GREM1: variants seen among roughly 807,000 people sequenced by gnomAD.
GREM1 encodes gremlin 1, DAN family BMP antagonist.
A neutral mutation model predicts 13.1 loss-of-function variants in GREM1; 6 were observed. That is an observed-to-expected ratio of 0.46 (90% CI 0.25 to 0.91). GREM1 has a LOEUF of 0.91. GREM1 is among the 40% of genes least tolerant of loss of function. The pLI is 0.18. For missense variants in GREM1, 185 were observed against 233.9 expected, an observed-to-expected ratio of 0.79 and a Z score of 1.36; for synonymous variants, 98 against 93.7, an observed-to-expected ratio of 1.05 and a Z score of -0.27.
intron 1 of GREM1, chr15:32,718,784 G>C: frequency 3.3e-6 from 1 of 300,374 alleles, no homozygotes; most frequent in Non-Finnish European, 6.6e-6. Context: ...GACAGCTGCG[G>C]TGCGGGGCGC....
chr15:32,720,197 T>C (rs1366705620), intron 1 of GREM1, among the ~76,000 whole-genome samples: 1 of 152,148 alleles, frequency 6.6e-6, no homozygotes, highest in Non-Finnish European at 1.5e-5. Context: ...TCATTTTTAG[T>C]GAAATGTTTT....
At position 32,740,398 on chromosome 15, in the gene GREM1, G is replaced by A. The variant is rs992432710; in HGVS notation, c.*9153G>A. The A allele has an allele frequency of 1.3e-5, 2 of 152,050 alleles. No homozygotes were observed. The highest frequency in any genetic ancestry group is 2.9e-5 in the Non-Finnish European group (2 of 68,008). 9.4% of individuals were successfully genotyped at this position (152,050 alleles called of 1,614,324 possible). A position where few individuals can be genotyped will look rare whatever the true frequency, so the allele number is the denominator to read the frequency against. On this transcript the variant is annotated 3_prime_UTR_variant, in exon 2 of 2. Coordinates refer to ENST00000651154, the MANE Select transcript of GREM1 (RefSeq NM_013372.7). ...TTAAGAATTTTGACAAAGAGATAGAGTATATTTAAAAGTACCAAAAAGAAA... is the reference window on the plus strand; with the variant it reads ...TTAAGAATTTTGACAAAGAGATAGAATATATTTAAAAGTACCAAAAAGAAA...
At position 32,730,961 on chromosome 15, in the gene GREM1, C is replaced by T; in HGVS notation, c.271C>T (p.Arg91Ter). ...TGTGACGGAGCGCAAATACCTGAAG[C>T]GAGACTGGTGCAAAACCCAGCCGCT... ...LHVTERKYLK[R>*]DWCKTQPLKQ... The change falls in exon 2 of 2, where the codon CGA becomes TGA. Residue 91 changes from arginine (R) to a stop codon, truncating the protein, a stop_gained. Transcript: ENST00000651154. LOFTEE classifies it high-confidence loss of function. 1 of 1,614,082 alleles carries T rather than the reference C, an allele frequency of 6.2e-7. No individual in the cohort carries two copies. Among genetic ancestry groups the T allele is most frequent in the Non-Finnish European group, 8.5e-7 (1 of 1,180,024 alleles).
Position 32,736,065 on chromosome 15 carries a change from T to C in GREM1, c.*4820T>C, listed in dbSNP as rs367972296. 2.6e-5 allele frequency: 4 copies of C among 152,288 alleles called. No individual in the cohort carries two copies. Among genetic ancestry groups the C allele is most frequent in the South Asian group, 2.1e-4 (1 of 4,824 alleles). 9.4% of individuals were successfully genotyped at this position (152,288 alleles called of 1,614,324 possible). On this transcript the variant is annotated 3_prime_UTR_variant, in exon 2 of 2. Transcript: ENST00000651154. Reference sequence around the variant, plus strand: ...CAACAGCCTGCAATTACCATGAAAATCAGCAGTCTGGCAGCCACTGAAGGT... The same window carrying C: ...CAACAGCCTGCAATTACCATGAAAACCAGCAGTCTGGCAGCCACTGAAGGT...
chr15:32,723,779 G>A (rs1441671932), intron 1 of GREM1, among the ~76,000 whole-genome samples: 5 of 152,174 alleles, frequency 3.3e-5, no homozygotes, highest in Admixed American at 2.6e-4. Flanking sequence ...TTCTGCGATA[G>A]TATTAATTTC....
At chr15:32,730,074 T>C (rs988261585) in intron 1 of GREM1, among the ~76,000 whole-genome samples, 4 of 152,218 alleles carry the variant, frequency 2.6e-5, no homozygotes, top group Non-Finnish European at 5.9e-5. Flanking sequence ...TGGAGTGATT[T>C]ACTGAGAGAC....
Position 32,738,464 on chromosome 15 carries a change from A to T in GREM1, c.*7219A>T, listed in dbSNP as rs75732571. 1 of 152,128 alleles carries T rather than the reference A, an allele frequency of 6.6e-6. No homozygotes were observed. The highest frequency in any genetic ancestry group is 2.4e-5 in the African/African-American group (1 of 41,444). 9.4% of individuals were successfully genotyped at this position (152,128 alleles called of 1,614,324 possible). On this transcript the variant is annotated 3_prime_UTR_variant, in exon 2 of 2. Transcript: ENST00000651154. ...ATTGTTAAAAAATTTAAAATCATCA[A>T]AATAGATGGAAATAAAACCTGTGTT...
chr15:32,721,581 C>G (rs1459052150), intron 1 of GREM1, among the ~76,000 whole-genome samples: 3 of 152,050 alleles, frequency 2.0e-5, no homozygotes, highest in Admixed American at 6.5e-5. Flanking sequence ...CACTGAAATC[C>G]CGTCTCTACT....
rs1595859157 is a variant in GREM1, at chr15:32,742,760, C to T, written c.*11515C>T. 1 of 152,208 alleles carries T rather than the reference C, an allele frequency of 6.6e-6. No individual in the cohort carries two copies. Among genetic ancestry groups the T allele is most frequent in the Non-Finnish European group, 1.5e-5 (1 of 68,030 alleles). 9.4% of individuals were successfully genotyped at this position (152,208 alleles called of 1,614,324 possible). Reference sequence around the variant, plus strand: ...ACTGACATTTGGCAATGGTGCCAAGCATACTCAGTGGGAGAAATGATAATC... The same window carrying T: ...ACTGACATTTGGCAATGGTGCCAAGTATACTCAGTGGGAGAAATGATAATC... On this transcript the variant is annotated 3_prime_UTR_variant, in exon 2 of 2. Transcript: ENST00000651154.
intron 1 of GREM1, among the ~76,000 whole-genome samples, chr15:32,720,455 CA>C (rs1158161986): frequency 3.3e-5 from 5 of 152,096 alleles, no homozygotes; most frequent in Non-Finnish European, 1.5e-5. Flanking sequence ...AGCTGTGGAA[CA>C]TGTTCCACAA....
At chr15:32,718,649 C>A (rs1375558436) in intron 1 of GREM1, 2 of 362,726 alleles carry the variant, frequency 5.5e-6, no homozygotes, top group Non-Finnish European at 1.1e-5. Context: ...CATTGGAGTC[C>A]GCGGGTTGGA....
At chr15:32,720,407 C>A (rs1041687531) in intron 1 of GREM1, among the ~76,000 whole-genome samples, 1 of 152,086 alleles carries the variant, frequency 6.6e-6, no homozygotes, top group Non-Finnish European at 1.5e-5. Context: ...AATTTCATGC[C>A]GCAGACACCT....
At position 32,741,341 on chromosome 15, in the gene GREM1, A is replaced by G. The variant is rs1045782776; in HGVS notation, c.*10096A>G. 2.6e-5 allele frequency: 4 copies of G among 151,992 alleles called. No individual in the cohort carries two copies. The highest frequency in any genetic ancestry group is 9.7e-5 in the African/African-American group (4 of 41,400). 9.4% of individuals were successfully genotyped at this position (151,992 alleles called of 1,614,324 possible). ...ACAGTATCTAAGCCTTGTTTTTATG[A>G]TATTGGGGAACAGTAACAGATCAAA... is the stretch of plus-strand genomic sequence containing the variant. On this transcript the variant is annotated 3_prime_UTR_variant, in exon 2 of 2. Transcript: ENST00000651154.
chr15:32,724,436 A>G (rs1033658897), intron 1 of GREM1, among the ~76,000 whole-genome samples: 6 of 152,216 alleles, frequency 3.9e-5, no homozygotes, highest in Non-Finnish European at 8.8e-5. Context: ...CTCCTCTGAA[A>G]TGGGGAGCAA....
In GREM1 at chr15:32,737,290, T is replaced by C. The variant is rs1021172576; in HGVS notation, c.*6045T>C. ...TTATTTTCTATAACTAGTATTACCT[T>C]GATACCAAATTCTGACAAATACATC... On this transcript the variant is annotated 3_prime_UTR_variant, in exon 2 of 2. Transcript: ENST00000651154. The C allele has an allele frequency of 5.3e-5, 8 of 152,194 alleles. No individual in the cohort carries two copies. The highest frequency in any genetic ancestry group is 1.9e-4 in the African/African-American group (8 of 41,448). 9.4% of individuals were successfully genotyped at this position (152,194 alleles called of 1,614,324 possible).
At position 32,730,768 on chromosome 15, in the gene GREM1, G is replaced by T. The variant is rs1241168004; in HGVS notation, c.78G>T (p.Lys26Asn). 6.2e-7 allele frequency: 1 copy of T among 1,612,600 alleles called. No individual in the cohort carries two copies. The highest frequency in any genetic ancestry group is 1.3e-5 in the African/African-American group (1 of 74,854). The change falls in exon 2 of 2, where the codon AAG becomes AAT. Residue 26 changes from lysine (K) to asparagine (N), a missense_variant. Lys to Asn is a moderately conservative substitution (Grantham distance 94, BLOSUM62 0). Transcript: ENST00000651154. Reference sequence around the variant, plus strand: ...TGCTGCCGGCTGCTGAAGGGAAAAAGAAAGGGTCCCAAGGTGCCATCCCCC... The same window carrying T: ...TGCTGCCGGCTGCTGAAGGGAAAAATAAAGGGTCCCAAGGTGCCATCCCCC... The part of the protein sequence containing the change: ...GTLLPAAEGK[K>N]KGSQGAIPPP...
At chr15:32,719,965 G>A (rs896403237) in intron 1 of GREM1, among the ~76,000 whole-genome samples, 1 of 152,090 alleles carries the variant, frequency 6.6e-6, no homozygotes, top group African/African-American at 2.4e-5. Context: ...TGCCCCCCAA[G>A]CCAAGTCTAT....
In GREM1 at chr15:32,733,718, A is replaced by AT. The variant is rs1031780931; in HGVS notation, c.*2479dup. On this transcript the variant is annotated 3_prime_UTR_variant, in exon 2 of 2. Transcript: ENST00000651154. ...CGAGTCACTGATGATGTAATGATAT[A>AT]TTTTTTCATTATTATAGTAGAATAT... 1 of 229,414 alleles carries AT rather than the reference A, an allele frequency of 4.4e-6. No individual in the cohort carries two copies. The highest frequency in any genetic ancestry group is 1.9e-4 in the South Asian group (1 of 5,362). The allele number at this position is 229,414 out of a possible 1,614,324, so 14.2% of individuals were successfully genotyped here. A position where few individuals can be genotyped will look rare whatever the true frequency, so the allele number is the denominator to read the frequency against.
chr15:32,725,554 A>G (rs2055487374), intron 1 of GREM1, among the ~76,000 whole-genome samples: 1 of 152,330 alleles, frequency 6.6e-6, no homozygotes, highest in Admixed American at 6.5e-5. Context: ...TCAGATGGAT[A>G]GACTGCAAAA....
Sources: gnomAD v4.1 joint callset for allele counts (sites outside exome capture counted in the v4.1 genomes callset) on GRCh38, gnomAD v4.1.1 for gene constraint, MANE v1.5 for transcripts, NCBI Gene and HGNC (gene_info 2026-07-23, HGNC 2026-07-21) for gene names.